HIVEP1: variants seen among roughly 807,000 people sequenced by gnomAD.
The protein encoded by HIVEP1 is zinc finger protein 40.
A neutral mutation model predicts 180.0 loss-of-function variants in HIVEP1; 36 were observed. The ratio of observed to expected loss-of-function variants is 0.20; its 90% CI spans 0.15 to 0.26. The LOEUF (loss-of-function observed/expected upper bound fraction) is 0.26. Ranked by LOEUF, HIVEP1 falls within the 10% of genes least tolerant of loss-of-function variation. HIVEP1 has a pLI of 1.00. For missense variants in HIVEP1, 3,143 were observed against 3,268.7 expected (o/e 0.96, Z 0.94); for synonymous variants, 1,239 against 1,239.0 (o/e 1.00, Z 0.00).
At chr6:12,108,831 G>C (rs529127891) in intron 3 of HIVEP1, among the ~76,000 whole-genome samples, 1 of 152,334 alleles carries the variant, frequency 6.6e-6, no homozygotes, top group Admixed American at 6.5e-5. Flanking sequence ...CCAGAAAGGG[G>C]CTCCCACAGT....
the HIVEP1 span, among the ~76,000 whole-genome samples, chr6:12,210,162 A>G: frequency 6.6e-6 from 1 of 152,220 alleles, no homozygotes; most frequent in African/African-American, 2.4e-5. Flanking sequence ...CTAGTTACCA[A>G]TGATTCAGTC....
At chr6:12,054,399 C>A (rs1366056765) in intron 2 of HIVEP1, among the ~76,000 whole-genome samples, 1 of 152,202 alleles carries the variant, frequency 6.6e-6, no homozygotes, top group Non-Finnish European at 1.5e-5. Flanking sequence ...AATTTGATAT[C>A]TTTCATTTAT....
chr6:12,127,442 G>A (rs568732922), intron 4 of HIVEP1, among the ~76,000 whole-genome samples: 14 of 152,192 alleles, frequency 9.2e-5, no homozygotes, highest in Non-Finnish European at 1.9e-4. Context: ...ACAAAACTCC[G>A]TGTATGTTCC....
At chr6:12,022,400 G>C (rs1382399675) in intron 2 of HIVEP1, among the ~76,000 whole-genome samples, 1 of 151,404 alleles carries the variant, frequency 6.6e-6, no homozygotes. Flanking sequence ...TTGAACTCCT[G>C]ACCTCGTGAT....
At chr6:12,046,861 G>GTGTGTGTGTGTGTGTA (rs1554135007) in intron 2 of HIVEP1, among the ~76,000 whole-genome samples, 7 of 151,508 alleles carry the variant, frequency 4.6e-5, no homozygotes, top group Non-Finnish European at 1.0e-4. Context: ...GTGTGTGTGT[G>GTGTGTGTGTGTGTGTA]TGTGTGTGTG....
chr6:12,121,847 A>G lies in HIVEP1; in HGVS notation c.2052A>G (p.Gln684=). The change falls in exon 4 of 9, where the codon CAA becomes CAG. Residue 684 remains glutamine, a synonymous_variant. Coordinates refer to ENST00000379388, the MANE Select transcript of HIVEP1 (RefSeq NM_002114.4). The surrounding 1 kb of genome is among the most constrained non-coding windows in gnomAD (Gnocchi z 5.3). The stretch of plus-strand genomic sequence containing the variant: ...TTTCACGTTCTGAAAGTGCCGATCA[A>G]ACAGTGAGTCCACCAACTCCCTTTG... ...GYFSRSESAD[Q]TVSPPTPFAR... 6.2e-7 allele frequency: 1 copy of G among 1,614,212 alleles called. No individual in the cohort carries two copies. The highest frequency in any genetic ancestry group is 8.5e-7 in the Non-Finnish European group (1 of 1,180,036).
the HIVEP1 span, among the ~76,000 whole-genome samples, chr6:12,175,776 T>A: frequency 6.6e-6 from 1 of 152,148 alleles, no homozygotes; most frequent in Non-Finnish European, 1.5e-5. Context: ...GTGCATTCAC[T>A]AAGGGAGGAT....
intron 5 of HIVEP1, 128 bp from the exon 6 acceptor site, chr6:12,130,639 C>T: frequency 1.9e-6 from 1 of 527,498 alleles, no homozygotes; most frequent in Non-Finnish European, 3.4e-6. Flanking sequence ...GTTACACATG[C>T]ATAAAATTGT....
At chr6:12,064,964 C>T (rs890824105) in intron 2 of HIVEP1, among the ~76,000 whole-genome samples, 3 of 152,212 alleles carry the variant, frequency 2.0e-5, no homozygotes, top group African/African-American at 7.2e-5. Context: ...GGGCTGTACA[C>T]ATACTGTGGG....
chr6:12,132,231 T>G (rs560869861), intron 6 of HIVEP1, among the ~76,000 whole-genome samples: 62 of 152,280 alleles, frequency 4.1e-4, no homozygotes, highest in African/African-American at 1.5e-3. Flanking sequence ...GGTAAAGTAC[T>G]TTGGTCTTTT....
chr6:12,091,680 T>A (rs571704166), intron 3 of HIVEP1, among the ~76,000 whole-genome samples: 4 of 152,326 alleles, frequency 2.6e-5, no homozygotes, highest in African/African-American at 9.6e-5. Flanking sequence ...GTTAATGTAC[T>A]TATTTTATTC....
intron 7 of HIVEP1, among the ~76,000 whole-genome samples, chr6:12,141,264 C>T (rs1759008099): frequency 6.6e-6 from 1 of 151,940 alleles, no homozygotes; most frequent in East Asian, 1.9e-4. Flanking sequence ...CATATCTAGC[C>T]AAACTAAGCC....
At chr6:12,187,976 TAAAAGC>T in the HIVEP1 span, among the ~76,000 whole-genome samples, 1 of 152,138 alleles carries the variant, frequency 6.6e-6, no homozygotes, top group Non-Finnish European at 1.5e-5. Context: ...AACATCTCAT[TAAAAGC>T]AATACAAGAC....
intron 7 of HIVEP1, among the ~76,000 whole-genome samples, chr6:12,151,058 G>T (rs1394828462): frequency 6.6e-6 from 1 of 152,058 alleles, no homozygotes; most frequent in African/African-American, 2.4e-5. Context: ...AGCAGGTTGC[G>T]GTTCACCTGA....
intron 6 of HIVEP1, among the ~76,000 whole-genome samples, chr6:12,132,132 T>C (rs535611279): frequency 9.8e-4 from 149 of 152,158 alleles, no homozygotes; most frequent in Non-Finnish European, 1.9e-3. Flanking sequence ...GATGCAGTTT[T>C]TTAATTGTGA....
In HIVEP1 at chr6:12,120,038, G is replaced by A. The variant is rs780362394; in HGVS notation, c.243G>A (p.Glu81=). Residue 81 remains glutamate, a synonymous_variant, in exon 4 of 9, where the codon GAG becomes GAA. Coordinates refer to ENST00000379388, the MANE Select transcript of HIVEP1 (RefSeq NM_002114.4). ...CAAAACATAAACAAAATACAGAAGA[G>A]TCATCTTTCGCCGTTCTTCATAGTG... ...LQAKHKQNTE[E]SSFAVLHSAS... is the part of the protein sequence containing the mutation. The A allele has an allele frequency of 3.7e-6, 6 of 1,613,072 alleles. No individual in the cohort carries two copies. The South Asian group carries it at 6.6e-5, about 18-fold the overall frequency.
chr6:12,142,649 A>G (rs12111398), intron 7 of HIVEP1, among the ~76,000 whole-genome samples: 2,889 of 149,364 alleles, frequency 0.019, 95 homozygotes, highest in African/African-American at 0.071. Context: ...AAGACTAATA[A>G]AGAAGAAAAG....
the HIVEP1 span, among the ~76,000 whole-genome samples, chr6:12,173,439 G>C: frequency 2.0e-5 from 3 of 152,246 alleles, no homozygotes; most frequent in Admixed American, 2.0e-4. Context: ...GCGATGACAG[G>C]AACTTGGAAA....
intron 2 of HIVEP1, among the ~76,000 whole-genome samples, chr6:12,050,046 C>A (rs559226272): frequency 1.3e-5 from 2 of 152,286 alleles, no homozygotes; most frequent in South Asian, 4.1e-4. Flanking sequence ...CTAAGAAAGA[C>A]AAAGCCTCCT....
Sources: allele counts gnomAD v4.1 joint callset (sites outside exome capture counted in the v4.1 genomes callset), GRCh38; gene constraint gnomAD v4.1.1; non-coding constraint Gnocchi (gnomAD v3.1); transcripts MANE v1.5; gene names NCBI Gene and HGNC (gene_info 2026-07-23, HGNC 2026-07-21).